ANKRD13C: variants seen among roughly 807,000 people sequenced by gnomAD.
ANKRD13C encodes ankyrin repeat domain-containing protein 13C.
A neutral mutation model predicts 65.5 loss-of-function variants in ANKRD13C; 16 were observed. That is an observed-to-expected ratio of 0.24 (90% CI 0.17 to 0.37). The LOEUF (loss-of-function observed/expected upper bound fraction) is 0.37, where lower values mean the gene tolerates loss of function less well. Among genes scored for constraint, ANKRD13C ranks in the 10% least tolerant of loss-of-function variants. ANKRD13C has a pLI of 1.00. For synonymous variants in ANKRD13C, 235 were observed against 238.7 expected (o/e 0.98, Z 0.14); for missense variants, 503 against 655.9 (o/e 0.77, Z 2.55).
chr1:70,291,157 A>C (rs1679851006), intron 9 of ANKRD13C, among the ~76,000 whole-genome samples: 1 of 151,934 alleles, frequency 6.6e-6, no homozygotes, highest in Non-Finnish European at 1.5e-5. Context: ...CAGCCTTCCG[A>C]GTAGCTGGGA....
intron 10 of ANKRD13C, among the ~76,000 whole-genome samples, 191 bp downstream of exon 10, chr1:70,276,574 G>C (rs989810624): frequency 2.5e-4 from 38 of 151,944 alleles, no homozygotes; most frequent in African/African-American, 8.9e-4. Context: ...TTGCAAAGAG[G>C]GTACATAATT....
chr1:70,310,944 T>C (rs1680820694), intron 5 of ANKRD13C, among the ~76,000 whole-genome samples: 1 of 152,204 alleles, frequency 6.6e-6, no homozygotes, highest in South Asian at 2.1e-4. Context: ...CTGAATGATA[T>C]ATAAGGCATA....
intron 6 of ANKRD13C, among the ~76,000 whole-genome samples, chr1:70,305,295 G>T (rs1218649584): frequency 2.6e-5 from 4 of 152,028 alleles, no homozygotes; most frequent in Admixed American, 2.6e-4. Context: ...GTCATGGTGA[G>T]AAGAACAACA....
intron 2 of ANKRD13C, among the ~76,000 whole-genome samples, chr1:70,334,813 G>C (rs1298124687): frequency 6.6e-6 from 1 of 151,952 alleles, no homozygotes; most frequent in Non-Finnish European, 1.5e-5. Flanking sequence ...GGCTGAGGCA[G>C]GAGAGTCGCT....
At chr1:70,273,752 G>A (rs1182530944) in intron 11 of ANKRD13C, among the ~76,000 whole-genome samples, 2 of 151,956 alleles carry the variant, frequency 1.3e-5, no homozygotes, top group Non-Finnish European at 2.9e-5. Context: ...TGCCTCCTTG[G>A]TTCAAGCGAT....
chr1:70,291,954 A>G (rs1679885796), intron 9 of ANKRD13C, among the ~76,000 whole-genome samples: 1 of 151,968 alleles, frequency 6.6e-6, no homozygotes, highest in Non-Finnish European at 1.5e-5. Context: ...CCCTGTCTCT[A>G]CTAAAAATAC....
chr1:70,265,824 C>CAAAAAAA (rs775757290), intron 12 of ANKRD13C, among the ~76,000 whole-genome samples: 40 of 35,400 alleles, frequency 1.1e-3, no homozygotes, highest in Non-Finnish European at 1.4e-3. Context: ...GACCTTGCCT[C>CAAAAAAA]AAAAAAAAAA....
chr1:70,273,351 C>T (rs182871560), intron 11 of ANKRD13C, among the ~76,000 whole-genome samples: 27 of 152,326 alleles, frequency 1.8e-4, no homozygotes, highest in African/African-American at 6.3e-4. Flanking sequence ...CCCAGTGCTT[C>T]ATCTCCTCCC....
chr1:70,273,279 G>A (rs968510598), intron 11 of ANKRD13C, among the ~76,000 whole-genome samples: 36 of 152,018 alleles, frequency 2.4e-4, no homozygotes, highest in African/African-American at 7.2e-4. Flanking sequence ...GTATTAGGCC[G>A]TTAAAAAAAA....
chr1:70,259,888 T>G lies in ANKRD13C; in HGVS notation c.*2829A>C, dbSNP rs540339741. On this transcript the variant is annotated 3_prime_UTR_variant, in exon 13 of 13. Coordinates refer to ENST00000370944, the MANE Select transcript of ANKRD13C (RefSeq NM_030816.5). The stretch of plus-strand genomic sequence containing the variant: ...AACTGAACCCCTAACCTCCATGTTG[T>G]TCAAGGGTCAGCTGTACTTATTTAC... Among the ~76,000 whole-genome samples the G allele has an allele frequency of 1.3e-5, 2 of 152,272 alleles. No individual in the cohort carries two copies. Among genetic ancestry groups the G allele is most frequent in the South Asian group, 4.1e-4 (2 of 4,830 alleles).
intron 11 of ANKRD13C, among the ~76,000 whole-genome samples, chr1:70,272,587 C>CTT (rs199841601): frequency 6.8e-6 from 1 of 147,030 alleles, no homozygotes; most frequent in East Asian, 2.0e-4. Flanking sequence ...CTAAGATATT[C>CTT]TTTTTTTTTT....
At chr1:70,305,055 C>G (rs1680531309) in intron 6 of ANKRD13C, among the ~76,000 whole-genome samples, 1 of 151,874 alleles carries the variant, frequency 6.6e-6, no homozygotes, top group South Asian at 2.1e-4. Flanking sequence ...CCTGTATGTT[C>G]AAGACCAGCC....
At chr1:70,315,175 T>C (rs1245698725) in intron 4 of ANKRD13C, among the ~76,000 whole-genome samples, 2 of 152,168 alleles carry the variant, frequency 1.3e-5, no homozygotes, top group African/African-American at 2.4e-5. Context: ...GCTTTAGCTA[T>C]AGAGAATCTT....
chr1:70,333,945 G>A (rs1407550937), intron 2 of ANKRD13C, among the ~76,000 whole-genome samples: 3 of 151,912 alleles, frequency 2.0e-5, no homozygotes, highest in Admixed American at 1.3e-4. Context: ...AGTTACTCTA[G>A]TTAATCTTAC....
chr1:70,277,416 C>A (rs1159041233), intron 9 of ANKRD13C, among the ~76,000 whole-genome samples: 1 of 148,878 alleles, frequency 6.7e-6, no homozygotes, highest in African/African-American at 2.5e-5. Flanking sequence ...GAGATCGTGC[C>A]ACTGCACTCC....
chr1:70,306,842 T>C (rs1371758685), intron 5 of ANKRD13C, among the ~76,000 whole-genome samples: 1 of 152,232 alleles, frequency 6.6e-6, no homozygotes, highest in Non-Finnish European at 1.5e-5. Context: ...GATTTCTACA[T>C]TCCTATGTTG....
At chr1:70,331,073 TAA>T (rs1681775416) in intron 2 of ANKRD13C, among the ~76,000 whole-genome samples, 1 of 152,208 alleles carries the variant, frequency 6.6e-6, no homozygotes. Context: ...TGTAGAAGTA[TAA>T]AAGATTCTCT....
intron 8 of ANKRD13C, among the ~76,000 whole-genome samples, chr1:70,295,669 C>A (rs530927734): frequency 6.6e-6 from 1 of 151,994 alleles, no homozygotes; most frequent in South Asian, 2.1e-4. Context: ...TTTAACAATT[C>A]TACAGTGTTG....
chr1:70,338,499 A>G (rs1317218146), intron 1 of ANKRD13C, among the ~76,000 whole-genome samples: 3 of 152,166 alleles, frequency 2.0e-5, no homozygotes, highest in Non-Finnish European at 4.4e-5. Flanking sequence ...TCCCGGGTTC[A>G]GGTGGTTCTC....
Sources: gnomAD v4.1 joint callset for allele counts (sites outside exome capture counted in the v4.1 genomes callset) on GRCh38, gnomAD v4.1.1 for gene constraint, MANE v1.5 for transcripts, NCBI Gene and HGNC (gene_info 2026-07-23, HGNC 2026-07-21) for gene names.